Variants in RPL24 observed in about 807,000 individuals in gnomAD.
The protein encoded by RPL24 is ribosomal protein L24.
Under a neutral mutation model 26.4 loss-of-function variants are expected in RPL24, and 7 were observed. The observed-to-expected ratio is 0.27, with a 90% CI of 0.15 to 0.50. The LOEUF (loss-of-function observed/expected upper bound fraction) is 0.50, where lower values mean the gene tolerates loss of function less well. RPL24 is among the 20% of genes least tolerant of loss of function. RPL24 has a pLI of 0.98. For synonymous variants in RPL24, 67 were observed against 65.2 expected (o/e 1.03, Z -0.13); for missense variants, 109 against 194.9 (o/e 0.56, Z 2.62).
intron 3 of RPL24, among the ~76,000 whole-genome samples, chr3:101,683,651 T>C (rs1206186558): frequency 6.6e-6 from 1 of 152,152 alleles, no homozygotes; most frequent in Non-Finnish European, 1.5e-5. Context: ...TTAAACATTT[T>C]TTTTATTGTG....
At position 101,682,931 on chromosome 3, in the gene RPL24, C is replaced by G. The variant is rs891853104; in HGVS notation, c.193-24G>C. 3.1e-6 allele frequency: 5 copies of G among 1,593,032 alleles called. No homozygotes were observed. In the African/African-American group the frequency reaches 6.8e-5, roughly 22 times the overall value. ...TCCTGCAAAACAAAGATGAGGGGCA[C>G]ACTTAGGAACCTTCCTTCAAGAATT... On this transcript the variant is annotated intron_variant, in intron 3 of 5. Coordinates refer to ENST00000394077, the MANE Select transcript of RPL24 (RefSeq NM_000986.4).
Position 101,686,684 on chromosome 3 carries a change from G to A in RPL24, c.-8C>T, listed in dbSNP as rs547552075. On this transcript the variant is annotated 5_prime_UTR_variant, in exon 1 of 6. Coordinates refer to ENST00000394077, the MANE Select transcript of RPL24 (RefSeq NM_000986.4). ...GGGTCGTGCTTACTTCATGGCGACAGCTCCACGGAAAGACAAAAGATGGCG... is the reference window on the plus strand; with the variant it reads ...GGGTCGTGCTTACTTCATGGCGACAACTCCACGGAAAGACAAAAGATGGCG... The A allele has an allele frequency of 2.5e-6, 4 of 1,614,112 alleles. No homozygotes were observed. Among genetic ancestry groups the A allele is most frequent in the African/African-American group, 2.7e-5 (2 of 74,946 alleles).
rs141360474 is a variant in RPL24, at chr3:101,685,717, C to T, written c.192+101G>A. 3.7e-5 allele frequency: 23 copies of T among 618,892 alleles called. No individual in the cohort carries two copies. In the East Asian group the frequency reaches 6.1e-4, roughly 17 times the overall value. The allele number at this position is 618,892 out of a possible 1,614,324, so 38.3% of individuals were successfully genotyped here. ...ACGCTTTACAGTTTAAGAGCTCTTT[C>T]GCATACAGTCTGATTTAATTTTACA... On this transcript the variant is annotated intron_variant, in intron 3 of 5. Transcript: ENST00000394077.
Position 101,681,109 on chromosome 3 carries a change from T to TTG in RPL24, c.*25_*26insCA. On this transcript the variant is annotated 3_prime_UTR_variant, in exon 6 of 6. Transcript: ENST00000394077. ...CACAACCTAGAGTTATAATCCAATCTTTATTTAAAAATCTAATCTGCCAGT... is the reference window on the plus strand; with the variant it reads ...CACAACCTAGAGTTATAATCCAATCTTGTTATTTAAAAATCTAATCTGCCAGT... 6.5e-7 allele frequency: 1 copy of TTG among 1,539,392 alleles called. No homozygotes were observed. The highest frequency in any genetic ancestry group is 9.0e-7 in the Non-Finnish European group (1 of 1,113,494).
chr3:101,684,461 T>C (rs1360939093), intron 3 of RPL24, among the ~76,000 whole-genome samples: 1 of 152,138 alleles, frequency 6.6e-6, no homozygotes, highest in Non-Finnish European at 1.5e-5. Flanking sequence ...TAAGCCACCA[T>C]GCCCAGCCTC....
At chr3:101,686,633 G>C (rs561219663) in intron 1 of RPL24, 39 bp downstream of exon 1, 1 of 1,614,202 alleles carries the variant, frequency 6.2e-7, no homozygotes, top group South Asian at 1.1e-5. Flanking sequence ...AGTTCTGCCC[G>C]AGGATGTAAG....
intron 2 of RPL24, 93 bp downstream of exon 2, chr3:101,686,389 G>A (rs1937342161): frequency 9.7e-7 from 1 of 1,036,052 alleles, no homozygotes; most frequent in African/African-American, 1.6e-5. Context: ...GAGGCCAGTG[G>A]TGATGTGGGG....
In RPL24 at chr3:101,682,423, A is replaced by C; in HGVS notation, c.393+6T>G. The stretch of plus-strand genomic sequence containing the variant: ...GTTCAAGAAAGTAAAGAAACCCCAT[A>C]ATTACCTTAGCAGCAGCCATTGCAG... On this transcript the variant is annotated splice_donor_region_variant and intron_variant, in intron 5 of 5. Transcript: ENST00000394077. 6.2e-7 allele frequency: 1 copy of C among 1,610,204 alleles called. No homozygotes were observed. The highest frequency in any genetic ancestry group is 1.1e-5 in the South Asian group (1 of 91,006).
At chr3:101,684,962 C>T (rs1275192794) in intron 3 of RPL24, among the ~76,000 whole-genome samples, 1 of 151,662 alleles carries the variant, frequency 6.6e-6, no homozygotes, top group Non-Finnish European at 1.5e-5. Flanking sequence ...CAGCCGCTGC[C>T]ACCAAGCCCG....
chr3:101,682,301 G>A (rs575691712), intron 5 of RPL24, 128 bp downstream of exon 5: 26 of 755,832 alleles, frequency 3.4e-5, no homozygotes, highest in African/African-American at 2.8e-4. Context: ...GGGAGGCAGA[G>A]GTTGCAGTGA....
chr3:101,686,453 A>C, intron 2 of RPL24, 29 bp downstream of exon 2: 1 of 1,602,748 alleles, frequency 6.2e-7, no homozygotes, highest in East Asian at 2.2e-5. Flanking sequence ...GAGTACAAGA[A>C]GGTAGGTGAA....
At chr3:101,683,243 A>T (rs1937284638) in intron 3 of RPL24, among the ~76,000 whole-genome samples, 1 of 152,194 alleles carries the variant, frequency 6.6e-6, no homozygotes. Context: ...CAGCTTTTTT[A>T]ACTCAAAGGA....
At chr3:101,684,945 T>TA (rs2108340501) in intron 3 of RPL24, among the ~76,000 whole-genome samples, 1 of 151,792 alleles carries the variant, frequency 6.6e-6, no homozygotes, top group Non-Finnish European at 1.5e-5. Context: ...CCGGAGGAGC[T>TA]AGAGTACAGC....
chr3:101,682,554 TAG>T, intron 4 of RPL24, 62 bp from the exon 5 acceptor site: 2 of 1,382,442 alleles, frequency 1.4e-6, no homozygotes, highest in East Asian at 2.3e-5. Flanking sequence ...AACTTATTAT[TAG>T]AGTTAGACTG....
intron 3 of RPL24, among the ~76,000 whole-genome samples, chr3:101,684,793 A>G (rs1209610386): frequency 2.0e-4 from 30 of 146,582 alleles, no homozygotes; most frequent in Admixed American, 8.8e-4. Context: ...AAAAAAAAAA[A>G]AAAAAAAAAA....
chr3:101,685,260 TTA>T (rs1426034100), intron 3 of RPL24, among the ~76,000 whole-genome samples: 3 of 152,176 alleles, frequency 2.0e-5, no homozygotes, highest in Non-Finnish European at 4.4e-5. Context: ...TCAACATATT[TTA>T]TGTCTGATGG....
intron 2 of RPL24, 147 bp from the exon 3 acceptor site, chr3:101,686,075 A>G (rs1329345131): frequency 3.3e-6 from 2 of 608,644 alleles, no homozygotes; most frequent in Non-Finnish European, 2.9e-6. Context: ...AGGCTGTCAC[A>G]TAACTGGCAG....
chr3:101,685,075 C>G (rs933066707), intron 3 of RPL24, among the ~76,000 whole-genome samples: 8 of 151,840 alleles, frequency 5.3e-5, no homozygotes, highest in African/African-American at 1.5e-4. Flanking sequence ...TATGTTTACC[C>G]TTTTGAGAAA....
intron 3 of RPL24, among the ~76,000 whole-genome samples, chr3:101,683,571 G>A (rs1026290956): frequency 6.6e-6 from 1 of 152,018 alleles, no homozygotes; most frequent in African/African-American, 2.4e-5. Context: ...TGTTTCTACA[G>A]TAAAATGGCA....
Sources: gnomAD v4.1 joint callset for allele counts (sites outside exome capture counted in the v4.1 genomes callset) on GRCh38, gnomAD v4.1.1 for gene constraint, MANE v1.5 for transcripts, NCBI Gene and HGNC (gene_info 2026-07-23, HGNC 2026-07-21) for gene names.